Variants in TAB2 observed in about 807,000 individuals in gnomAD.
TAB2 encodes TGF-beta-activated kinase 1 and MAP3K7-binding protein 2.
In TAB2, 3 loss-of-function variants were observed where a neutral mutation model predicts 65.0. The ratio of observed to expected loss-of-function variants is 0.05; its 90% CI spans 0.02 to 0.12. The LOEUF (loss-of-function observed/expected upper bound fraction) is 0.12. Ranked by LOEUF, TAB2 falls within the 10% of genes least tolerant of loss-of-function variation. The probability of loss-of-function intolerance (pLI) is 1.00; values close to 1 mark genes in which losing one functional copy is unlikely to be tolerated. For missense variants in TAB2, 623 were observed against 840.3 expected (o/e 0.74, Z 3.20); for synonymous variants, 298 against 285.1 (o/e 1.05, Z -0.46).
At chr6:149,374,513 C>T (rs748023789) in intron 2 of TAB2, among the ~76,000 whole-genome samples, 19 of 152,186 alleles carry the variant, frequency 1.2e-4, no homozygotes, top group African/African-American at 2.9e-4. Flanking sequence ...TGAGCCACTG[C>T]GCCTGGCCAA....
At chr6:149,326,682 GGATT>G (rs1779631068) in intron 1 of TAB2, among the ~76,000 whole-genome samples, 2 of 151,866 alleles carry the variant, frequency 1.3e-5, no homozygotes, top group South Asian at 4.2e-4. Context: ...TGAGTAGCTG[GGATT>G]ACAGGCGCCC....
intron 3 of TAB2, among the ~76,000 whole-genome samples, chr6:149,392,419 GGTGATCCTTAAAC>G (rs1170187316): frequency 6.6e-6 from 1 of 152,192 alleles, no homozygotes; most frequent in African/African-American, 2.4e-5. Context: ...TCAACTATGA[GGTGATCCTTAAAC>G]CTACAGCTAC....
chr6:149,253,143 G>A (rs1277658077), intron 1 of TAB2: 2 of 152,266 alleles, frequency 1.3e-5, no homozygotes, highest in Non-Finnish European at 2.9e-5. Flanking sequence ...GTTAATCCTG[G>A]TAATCCTGTT....
At chr6:149,321,367 T>C (rs891003968) in intron 1 of TAB2, 1 of 152,220 alleles carries the variant, frequency 6.6e-6, no homozygotes, top group African/African-American at 2.4e-5. Context: ...GGACGCTGCT[T>C]ACTCAGAAAG....
chr6:149,352,380 G>C (rs1408875185), intron 1 of TAB2, among the ~76,000 whole-genome samples: 3 of 152,036 alleles, frequency 2.0e-5, no homozygotes, highest in Non-Finnish European at 2.9e-5. Context: ...ACTTAATAGA[G>C]GTAATTTTTT....
chr6:149,340,261 G>A (rs1200885387), intron 1 of TAB2, among the ~76,000 whole-genome samples: 5 of 152,112 alleles, frequency 3.3e-5, no homozygotes, highest in African/African-American at 1.2e-4. Flanking sequence ...ACATCCTTTT[G>A]GCTAACATTA....
intron 1 of TAB2, among the ~76,000 whole-genome samples, chr6:149,223,289 G>A (rs1777193610): frequency 6.6e-6 from 1 of 152,228 alleles, no homozygotes; most frequent in Admixed American, 6.5e-5. Context: ...TTTGTGACCT[G>A]TCGATGAGGA....
At chr6:149,232,016 T>C (rs1207779893) in intron 1 of TAB2, among the ~76,000 whole-genome samples, 1 of 152,088 alleles carries the variant, frequency 6.6e-6, no homozygotes, top group Non-Finnish European at 1.5e-5. Flanking sequence ...AACAGGAAGC[T>C]CACTGACCTG....
rs146253450 is a variant in TAB2, at chr6:149,379,462, G to C, written c.1547G>C (p.Arg516Thr). Residue 516 changes from arginine (R) to threonine (T), a missense_variant, in exon 3 of 7, where the codon AGA (arginine) becomes ACA (threonine). Physicochemically the swap from Arg to Thr is moderately conservative, Grantham distance 71. Coordinates refer to ENST00000637181, the MANE Select transcript of TAB2 (RefSeq NM_001292034.3). ...GACCCTACATTAGCACATGTGGATA[G>C]AATAAGTGAAACACGGAAACTGAGT... The part of the protein sequence containing the change: ...LTDPTLAHVD[R>T]ISETRKLSMG... The C allele has an allele frequency of 2.3e-5, 37 of 1,614,032 alleles. No individual in the cohort carries two copies. The highest frequency in any genetic ancestry group is 3.1e-5 in the Non-Finnish European group (36 of 1,180,026).
At chr6:149,399,530 T>TCCCC (rs71681301) in intron 6 of TAB2, among the ~76,000 whole-genome samples, 20 of 149,400 alleles carry the variant, frequency 1.3e-4, no homozygotes, top group African/African-American at 4.9e-4. Context: ...TTAGGGAAGT[T>TCCCC]CCCCCCCCCC....
At chr6:149,350,971 A>T (rs577607939) in intron 1 of TAB2, among the ~76,000 whole-genome samples, 1 of 152,138 alleles carries the variant, frequency 6.6e-6, no homozygotes, top group East Asian at 1.9e-4. Flanking sequence ...CTTCTCCTGT[A>T]ACTACCCCCA....
intron 1 of TAB2, among the ~76,000 whole-genome samples, chr6:149,235,058 A>G (rs1777471535): frequency 6.6e-6 from 1 of 152,256 alleles, no homozygotes; most frequent in African/African-American, 2.4e-5. Context: ...GTTTATAATT[A>G]ATAATAACTC....
chr6:149,273,662 C>T (rs1414818714), intron 1 of TAB2, among the ~76,000 whole-genome samples: 1 of 152,226 alleles, frequency 6.6e-6, no homozygotes, highest in East Asian at 1.9e-4. Context: ...GCAAAGACAG[C>T]ATCCACAGCC....
At chr6:149,218,726 A>G (rs1777075640) in exon 1 of TAB2, 1 of 455,842 alleles carries the variant, frequency 2.2e-6, no homozygotes, top group African/African-American at 2.0e-5. Context: ...TGGATGAAGA[A>G]GGATTTGAGA....
chr6:149,316,685 G>A (rs1321159209), upstream of TAB2, among the ~76,000 whole-genome samples: 1 of 151,920 alleles, frequency 6.6e-6, no homozygotes, highest in African/African-American at 2.4e-5. Flanking sequence ...GTAGAAACTT[G>A]AAGGCCCCCC....
At chr6:149,319,341 A>G (rs1779361243) in intron 1 of TAB2, among the ~76,000 whole-genome samples, 2 of 152,244 alleles carry the variant, frequency 1.3e-5, no homozygotes, top group South Asian at 4.1e-4. Flanking sequence ...TGTAACAATG[A>G]AATCACGATT....
chr6:149,366,188 G>C (rs1486851148), intron 1 of TAB2, among the ~76,000 whole-genome samples: 1 of 152,104 alleles, frequency 6.6e-6, no homozygotes, highest in African/African-American at 2.4e-5. Flanking sequence ...ATGCCATGTA[G>C]AGACTCTGGA....
In TAB2 at chr6:149,400,477, T is replaced by TG. The variant is rs765209229; in HGVS notation, c.1939+1295dup. On this transcript the variant is annotated intron_variant, in intron 6 of 6. Transcript: ENST00000637181. ...AAGGTGGCGGGACAGGATGGTTCTG[T>TG]GGTGCAGTTTAAGATTAAGAGGCAG... 2.5e-6 allele frequency: 4 copies of TG among 1,614,216 alleles called. No homozygotes were observed. The South Asian group carries it at 4.4e-5, about 18-fold the overall frequency.
At chr6:149,377,893 T>G in intron 2 of TAB2, 125 bp from the exon 3 acceptor site, 1 of 768,464 alleles carries the variant, frequency 1.3e-6, no homozygotes, top group South Asian at 1.7e-5. Flanking sequence ...TTCTCAAATT[T>G]AAATATCCAA....
Sources: gnomAD v4.1 joint callset for allele counts (sites outside exome capture counted in the v4.1 genomes callset) on GRCh38, gnomAD v4.1.1 for gene constraint, MANE v1.5 for transcripts, NCBI Gene and HGNC (gene_info 2026-07-23, HGNC 2026-07-21) for gene names.